EIF3B: variants seen among roughly 807,000 people sequenced by gnomAD.
EIF3B encodes eukaryotic translation initiation factor 3 subunit B, also known as eukaryotic translation initiation factor 3 subunit 9.
Under a neutral mutation model 104.6 loss-of-function variants are expected in EIF3B, and 10 were observed. The ratio of observed to expected loss-of-function variants is 0.10; its 90% CI spans 0.06 to 0.16. The LOEUF (loss-of-function observed/expected upper bound fraction) is 0.16, where lower values mean the gene tolerates loss of function less well. Among genes scored for constraint, EIF3B ranks in the 10% least tolerant of loss-of-function variants. The pLI is 1.00. For synonymous variants in EIF3B, 542 were observed against 417.2 expected, an observed-to-expected ratio of 1.30 and a Z score of -3.65; for missense variants, 1,014 against 1,087.9, an observed-to-expected ratio of 0.93 and a Z score of 0.96.
At chr7:2,356,741 A>C (rs1028142254) in intron 1 of EIF3B, among the ~76,000 whole-genome samples, 4 of 152,102 alleles carry the variant, frequency 2.6e-5, no homozygotes, top group African/African-American at 9.7e-5. Context: ...TGGAGGTTGC[A>C]GTGAGCCTAG....
chr7:2,364,265 A>C (rs911707038), intron 5 of EIF3B, 107 bp from the exon 6 acceptor site: 1 of 1,173,522 alleles, frequency 8.5e-7, no homozygotes, highest in African/African-American at 1.6e-5. Context: ...GTCTCAAAAA[A>C]AAAAAAAGTT....
chr7:2,356,515 A>G (rs993516185), intron 1 of EIF3B, among the ~76,000 whole-genome samples: 16 of 150,596 alleles, frequency 1.1e-4, no homozygotes, highest in African/African-American at 2.9e-4. Context: ...AGGCAGGAGA[A>G]TGGTGTGAAC....
At position 2,380,347 on chromosome 7, in the gene EIF3B, T is replaced by G. The variant is rs1780934373; in HGVS notation, c.*158T>G. 1 of 518,818 alleles carries G rather than the reference T, an allele frequency of 1.9e-6. No homozygotes were observed. The highest frequency in any genetic ancestry group is 5.4e-5 in the East Asian group (1 of 18,354). The allele number at this position is 518,818 out of a possible 1,614,324, so 32.1% of individuals were successfully genotyped here. The stretch of plus-strand genomic sequence containing the variant: ...CCGCGTGACTCCCGCCTCCTCCCTG[T>G]GCTCTCTGGCTCTGGACTGTGACTG... On this transcript the variant is annotated 3_prime_UTR_variant, in exon 19 of 19. Coordinates refer to ENST00000360876, the MANE Select transcript of EIF3B (RefSeq NM_001037283.2).
At chr7:2,372,939 G>T in intron 12 of EIF3B, 144 bp downstream of exon 12, 1 of 849,924 alleles carries the variant, frequency 1.2e-6, no homozygotes. Flanking sequence ...GGCCTCGGCT[G>T]ATGGAAGTGA....
upstream of EIF3B, chr7:2,354,466 T>G (rs1156311112): frequency 1.3e-5 from 2 of 152,194 alleles, no homozygotes; most frequent in African/African-American, 2.4e-5. Context: ...ACTGTTGAGT[T>G]AGAGGACATT....
intron 17 of EIF3B, 59 bp downstream of exon 17, chr7:2,379,301 G>A: frequency 6.4e-7 from 1 of 1,565,000 alleles, no homozygotes; most frequent in Non-Finnish European, 8.7e-7. Flanking sequence ...CTGGGCCCTG[G>A]TGCCCGCGGA....
At chr7:2,362,883 C>A in intron 3 of EIF3B, 119 bp downstream of exon 3, 1 of 1,501,276 alleles carries the variant, frequency 6.7e-7, no homozygotes. Flanking sequence ...CCTTTCTGGT[C>A]AGGCTGCCGC....
intron 18 of EIF3B, chr7:2,379,965 C>T (rs755531309): frequency 8.9e-5 from 22 of 247,568 alleles, no homozygotes; most frequent in Non-Finnish European, 1.7e-4. Context: ...TGGGGGCCTC[C>T]GCGCCTCACA....
In EIF3B at chr7:2,380,191, C is replaced by G. The variant is rs1780923737; in HGVS notation, c.*15-13C>G. ...GGTGGTGCCGTTTAGGGCCGCCATG[C>G]CTGTCTATCCAGGGGACGGACTCCG... On this transcript the variant is annotated splice_polypyrimidine_tract_variant and intron_variant, in intron 18 of 18. Transcript: ENST00000360876. 8.4e-6 allele frequency: 3 copies of G among 357,632 alleles called. No individual in the cohort carries two copies. The highest frequency in any genetic ancestry group is 6.9e-5 in the Admixed American group (2 of 28,826). The allele number at this position is 357,632 out of a possible 1,614,324, so 22.2% of individuals were successfully genotyped here.
At chr7:2,363,598 A>C in intron 4 of EIF3B, 34 bp from the exon 5 acceptor site, 1 of 1,568,182 alleles carries the variant, frequency 6.4e-7, no homozygotes. Context: ...ATTAAAATTA[A>C]TGAAATGTTA....
chr7:2,358,568 C>T (rs1460484607), intron 1 of EIF3B, among the ~76,000 whole-genome samples: 2 of 152,040 alleles, frequency 1.3e-5, no homozygotes, highest in Admixed American at 1.3e-4. Context: ...ACTCTGTCTC[C>T]CAGGCTGGAG....
In EIF3B at chr7:2,354,949, C is replaced by T. The variant is rs1779307702; in HGVS notation, c.28C>T (p.Pro10Ser). 2 of 1,226,252 alleles carry T rather than the reference C, an allele frequency of 1.6e-6. No individual in the cohort carries two copies. Among genetic ancestry groups the T allele is most frequent in the Non-Finnish European group, 2.0e-6 (2 of 976,646 alleles). The allele number at this position is 1,226,252 out of a possible 1,614,324, so 76.0% of individuals were successfully genotyped here. Residue 10 changes from proline to serine, a missense_variant, in exon 1 of 19, where the codon CCC (proline) becomes TCC (serine). Physicochemically the swap from Pro to Ser is moderately conservative, Grantham distance 74. Transcript: ENST00000360876. ...GCAGGACGCGGAGAACGTGGCGGTG[C>T]CCGAGGCGGCCGAGGAGCGCGCCGA... MQDAENVAV[P>S]EAAEERAEPG...
intron 10 of EIF3B, 150 bp downstream of exon 10, chr7:2,369,832 A>C: frequency 1.5e-6 from 1 of 675,346 alleles, no homozygotes; most frequent in Non-Finnish European, 2.3e-6. Context: ...GCTGTAGTGC[A>C]GGAGTGCGAT....
chr7:2,375,449 G>A lies in EIF3B; in HGVS notation c.1950G>A (p.Glu650=), dbSNP rs759313741. 105 of 1,614,104 alleles carry A rather than the reference G, an allele frequency of 6.5e-5. No individual in the cohort carries two copies. Among genetic ancestry groups the A allele is most frequent in the Middle Eastern group, 1.6e-4 (1 of 6,084 alleles). The change falls in exon 14 of 19, where the codon GAG becomes GAA. Residue 650 remains glutamate, a synonymous_variant. Transcript: ENST00000360876. ...ACTGCACGGTCATGAACATCGCAGA[G>A]CACTACATGGCTTCCGACGTCGAAT... ...TSDCTVMNIA[E]HYMASDVEWD... is the part of the protein sequence containing the mutation.
chr7:2,365,653 T>C (rs1476649789), intron 6 of EIF3B, among the ~76,000 whole-genome samples: 1 of 90,590 alleles, frequency 1.1e-5, no homozygotes, highest in Non-Finnish European at 1.9e-5. Context: ...ACTTGTTTTT[T>C]TGTTTGTTTG....
rs1277149774 is a variant in EIF3B at position 2,372,811 on chromosome 7, C to T, written c.1810+16C>T. The T allele has an allele frequency of 1.2e-6, 2 of 1,612,340 alleles. No individual in the cohort carries two copies. Among genetic ancestry groups the T allele is most frequent in the Non-Finnish European group, 1.7e-6 (2 of 1,179,062 alleles). ...GAACTCATCAGTAAGTAACCTGGTC[C>T]CTTTCCTCTTCTGAGTAGGTCAGCA... is the stretch of plus-strand genomic sequence containing the variant. On this transcript the variant is annotated intron_variant, in intron 12 of 18. Coordinates refer to ENST00000360876, the MANE Select transcript of EIF3B (RefSeq NM_001037283.2).
At chr7:2,359,998 G>A (rs1779644315) in intron 1 of EIF3B, among the ~76,000 whole-genome samples, 1 of 152,184 alleles carries the variant, frequency 6.6e-6, no homozygotes, top group East Asian at 1.9e-4. Flanking sequence ...GAACGAAGGT[G>A]CGTGGTGGTG....
At chr7:2,358,420 G>C (rs1779567687) in intron 1 of EIF3B, among the ~76,000 whole-genome samples, 1 of 152,110 alleles carries the variant, frequency 6.6e-6, no homozygotes, top group East Asian at 1.9e-4. Context: ...TTTTGAGACG[G>C]AGTCTTGCTC....
chr7:2,354,317 T>C (rs1279162875), upstream of EIF3B: 2 of 152,252 alleles, frequency 1.3e-5, no homozygotes, highest in Admixed American at 6.5e-5. Flanking sequence ...GTCTGTCCTT[T>C]TGCTCAGTCA....
Sources: allele counts gnomAD v4.1 joint callset (sites outside exome capture counted in the v4.1 genomes callset), GRCh38; gene constraint gnomAD v4.1.1; transcripts MANE v1.5; gene names NCBI Gene and HGNC (gene_info 2026-07-23, HGNC 2026-07-21).